The following ARHGEF4 variants were observed in gnomAD, a reference collection of about 807,000 sequenced individuals.
ARHGEF4 encodes APC-stimulated guanine nucleotide exchange factor 1.
In ARHGEF4, 119 loss-of-function variants were observed where a neutral mutation model predicts 162.0. The ratio of observed to expected loss-of-function variants is 0.73; its 90% CI spans 0.63 to 0.86. The LOEUF (loss-of-function observed/expected upper bound fraction) is 0.86, where lower values mean the gene tolerates loss of function less well. Ranked by LOEUF, ARHGEF4 falls within the 40% of genes least tolerant of loss-of-function variation. The pLI is 0.00. For missense variants in ARHGEF4, 2,488 were observed against 2,456.0 expected (o/e 1.01, Z -0.28); for synonymous variants, 1,014 against 979.9 (o/e 1.03, Z -0.65).
At chr2:130,902,491 G>GT (rs1257454367) in intron 1 of ARHGEF4, among the ~76,000 whole-genome samples, 1 of 152,080 alleles carries the variant, frequency 6.6e-6, no homozygotes. Flanking sequence ...CTACTCGGGA[G>GT]GCTGTGGTGG....
In ARHGEF4 at chr2:131,000,843, A is replaced by C. The variant is rs543859696; in HGVS notation, c.3986-27102A>C. On this transcript the variant is annotated intron_variant, in intron 4 of 13. Transcript: ENST00000409359. ...CTATTATAAAGGAAAAGATTAATAA[A>C]TTTGATAACATTAAAATGTAAACCT... Among the ~76,000 whole-genome samples the C allele has an allele frequency of 8.5e-5, 13 of 152,354 alleles. No homozygotes were observed. In the South Asian group the frequency reaches 2.7e-3, roughly 32 times the overall value.
At chr2:131,044,585 C>CCGG in intron 12 of ARHGEF4, 43 bp downstream of exon 12, 1 of 1,527,900 alleles carries the variant, frequency 6.5e-7, no homozygotes, top group Non-Finnish European at 8.8e-7. Context: ...CAGGGCCCAC[C>CCGG]CGGCGCTCCC....
chr2:130,881,803 C>G (rs1050884398), intron 1 of ARHGEF4, among the ~76,000 whole-genome samples: 5 of 152,110 alleles, frequency 3.3e-5, no homozygotes, highest in African/African-American at 1.2e-4. Context: ...GTGAGGACCA[C>G]AGGCTGGTGT....
rs1681381253 is a variant in ARHGEF4, at chr2:130,914,678, C to G, written c.732C>G (p.Ile244Met). 1.5e-5 allele frequency: 21 copies of G among 1,391,992 alleles called. No individual in the cohort carries two copies. Among genetic ancestry groups the G allele is most frequent in the Non-Finnish European group, 1.9e-5 (20 of 1,079,748 alleles). The allele number at this position is 1,391,992 out of a possible 1,614,324, so 86.2% of individuals were successfully genotyped here. ...CCELGRSWPH[I>M]HNRARALVLP... ...AACTGGGTCGGAGTTGGCCACATATCCACAACAGGGCCAGGGCACTGGTGC... is the reference window on the plus strand; with the variant it reads ...AACTGGGTCGGAGTTGGCCACATATGCACAACAGGGCCAGGGCACTGGTGC... Residue 244 changes from isoleucine (I) to methionine (M), a missense_variant, in exon 2 of 14, where the codon ATC becomes ATG. Coordinates refer to ENST00000409359, the MANE Select transcript of ARHGEF4 (RefSeq NM_001367493.1).
chr2:130,973,990 C>T (rs543604350), intron 4 of ARHGEF4, among the ~76,000 whole-genome samples: 1 of 152,142 alleles, frequency 6.6e-6, no homozygotes, highest in Non-Finnish European at 1.5e-5. Flanking sequence ...TAGAATCTTG[C>T]TGGGTGCAGT....
intron 1 of ARHGEF4, among the ~76,000 whole-genome samples, chr2:130,888,201 G>T (rs1391239677): frequency 6.6e-6 from 1 of 151,828 alleles, no homozygotes; most frequent in African/African-American, 2.4e-5. Flanking sequence ...CAGGCCAGGC[G>T]CAGTGGCTCA....
rs748026034 is a variant in ARHGEF4 at position 130,916,742 on chromosome 2, A to G, written c.2796A>G (p.Glu932=). 1.1e-4 allele frequency: 164 copies of G among 1,550,542 alleles called. No homozygotes were observed. Among genetic ancestry groups the G allele is most frequent in the Non-Finnish European group, 1.3e-4 (153 of 1,147,044 alleles). The change falls in exon 2 of 14, where the codon GAA becomes GAG. Residue 932 remains glutamate, a synonymous_variant. Transcript: ENST00000409359. ...TTCTAGAGAAAGAGAACACCCATGA[A>G]CGTTCCCCAAGTTCTCCCAAGGGCG... is the stretch of plus-strand genomic sequence containing the variant. ...SIVLEKENTH[E]RSPSSPKGEK... is the part of the protein sequence containing the mutation.
chr2:131,035,451 G>T, intron 5 of ARHGEF4: 1 of 473,568 alleles, frequency 2.1e-6, no homozygotes. Context: ...TGTGTCACAG[G>T]GTCCTTCTGT....
chr2:130,917,914 C>T (rs1681619413), intron 2 of ARHGEF4, among the ~76,000 whole-genome samples: 2 of 151,028 alleles, frequency 1.3e-5, no homozygotes, highest in African/African-American at 4.9e-5. Flanking sequence ...CCTCTGCCTC[C>T]CGGATTCAGG....
At chr2:131,033,142 CCA>C (rs1264730394) in intron 5 of ARHGEF4, among the ~76,000 whole-genome samples, 5 of 152,168 alleles carry the variant, frequency 3.3e-5, no homozygotes, top group Admixed American at 2.0e-4. Flanking sequence ...TTGTGAGCCA[CCA>C]CACCCTGTCT....
At chr2:130,896,032 G>A (rs1040480449) in intron 1 of ARHGEF4, among the ~76,000 whole-genome samples, 2 of 151,848 alleles carry the variant, frequency 1.3e-5, no homozygotes, top group African/African-American at 4.8e-5. Flanking sequence ...GGGATTTGGT[G>A]GGGTTTATTT....
At chr2:131,040,239 G>A in intron 7 of ARHGEF4, 22 bp from the exon 8 acceptor site, 2 of 1,611,206 alleles carry the variant, frequency 1.2e-6, no homozygotes, top group Non-Finnish European at 1.7e-6. Flanking sequence ...GTCGGGGGAG[G>A]CCTAACCACG....
intron 4 of ARHGEF4, among the ~76,000 whole-genome samples, chr2:130,965,138 G>T (rs1170381915): frequency 6.6e-6 from 1 of 152,238 alleles, no homozygotes; most frequent in African/African-American, 2.4e-5. Context: ...TGTGAAAGCT[G>T]CAGGGCCTCA....
intron 1 of ARHGEF4, 88 bp downstream of exon 1, chr2:130,837,080 C>CAGGGGA: frequency 8.4e-7 from 1 of 1,184,758 alleles, no homozygotes; most frequent in Non-Finnish European, 1.1e-6. Context: ...CTGCTGCGCC[C>CAGGGGA]CGGGCCGTCC....
intron 5 of ARHGEF4, 117 bp downstream of exon 5, chr2:131,028,201 G>A (rs1346150333): frequency 2.8e-6 from 4 of 1,410,530 alleles, no homozygotes; most frequent in Non-Finnish European, 3.8e-6. Context: ...TGCTGGTGGT[G>A]CTGGCCATAC....
chr2:130,964,433 C>T (rs748629431), intron 4 of ARHGEF4, among the ~76,000 whole-genome samples: 1 of 152,142 alleles, frequency 6.6e-6, no homozygotes, highest in Non-Finnish European at 1.5e-5. Context: ...TGGTTTCCTT[C>T]TGATTCCCAC....
At chr2:130,929,263 T>C (rs1414988529) in intron 2 of ARHGEF4, among the ~76,000 whole-genome samples, 1 of 152,204 alleles carries the variant, frequency 6.6e-6, no homozygotes. Context: ...GATCAGTGGT[T>C]TGCAACCTTG....
intron 4 of ARHGEF4, among the ~76,000 whole-genome samples, chr2:130,993,664 C>G (rs1173238563): frequency 6.6e-6 from 1 of 152,012 alleles, no homozygotes; most frequent in East Asian, 1.9e-4. Flanking sequence ...AAATGTTTTT[C>G]TTTTTCTCTG....
At chr2:130,867,392 T>C (rs986779532) in intron 1 of ARHGEF4, among the ~76,000 whole-genome samples, 3 of 151,830 alleles carry the variant, frequency 2.0e-5, no homozygotes, top group African/African-American at 7.3e-5. Flanking sequence ...TGCGTGCCAC[T>C]GCGCCTGGCT....
Sources: gnomAD v4.1 joint callset for allele counts (sites outside exome capture counted in the v4.1 genomes callset) on GRCh38, gnomAD v4.1.1 for gene constraint, MANE v1.5 for transcripts, NCBI Gene and HGNC (gene_info 2026-07-23, HGNC 2026-07-21) for gene names.